The following FAM135B variants were observed in gnomAD, a reference collection of about 807,000 sequenced individuals.
FAM135B encodes the protein protein FAM135B.
A neutral mutation model predicts 127.7 loss-of-function variants in FAM135B; 43 were observed. The ratio of observed to expected loss-of-function variants is 0.34; its 90% CI spans 0.26 to 0.43. The LOEUF is 0.43. Among genes scored for constraint, FAM135B ranks in the 20% least tolerant of loss-of-function variants. The pLI is 1.00. For synonymous variants in FAM135B, 670 were observed against 665.1 expected, an observed-to-expected ratio of 1.01 and a Z score of -0.11; for missense variants, 1,558 against 1,725.6, an observed-to-expected ratio of 0.90 and a Z score of 1.72.
chr8:138,248,711 T>C (rs1181342979), intron 6 of FAM135B, among the ~76,000 whole-genome samples: 1 of 151,530 alleles, frequency 6.6e-6, no homozygotes, highest in Admixed American at 6.6e-5. Context: ...TCCCAGCTAC[T>C]TGGGTAGCTG....
intron 1 of FAM135B, among the ~76,000 whole-genome samples, chr8:138,445,030 C>T (rs1177342036): frequency 1.5e-4 from 22 of 151,246 alleles, no homozygotes; most frequent in East Asian, 1.4e-3. Context: ...AACACCTCTA[C>T]GCAAATAAAC....
At chr8:138,249,661 C>T (rs1821555399) in intron 6 of FAM135B, among the ~76,000 whole-genome samples, 1 of 152,098 alleles carries the variant, frequency 6.6e-6, no homozygotes, top group Non-Finnish European at 1.5e-5. Flanking sequence ...TAACTAATTT[C>T]CTACTCTCTG....
intron 1 of FAM135B, among the ~76,000 whole-genome samples, chr8:138,413,436 C>T (rs1833970232): frequency 6.6e-6 from 1 of 152,194 alleles, no homozygotes; most frequent in African/African-American, 2.4e-5. Context: ...AGGAAGCCTT[C>T]TCTAAAAACC....
At chr8:138,143,394 G>C (rs901216837) in intron 15 of FAM135B, among the ~76,000 whole-genome samples, 3 of 152,190 alleles carry the variant, frequency 2.0e-5, no homozygotes, top group African/African-American at 7.2e-5. Context: ...TGGCGTGTCA[G>C]CGTGACACTG....
chr8:138,497,010 G>A lies in FAM135B; in HGVS notation c.-359C>T, dbSNP rs2131706713. ...GGCGCCAGGACGCGAGGCTGTCAGCGCGGTCGGGGGAACGCAGCCGCCAGC... is the reference window on the plus strand; with the variant it reads ...GGCGCCAGGACGCGAGGCTGTCAGCACGGTCGGGGGAACGCAGCCGCCAGC... On this transcript the variant is annotated 5_prime_UTR_variant, in exon 1 of 20. Coordinates refer to ENST00000395297, the MANE Select transcript of FAM135B (RefSeq NM_015912.4). Among the ~76,000 whole-genome samples, 1 of 152,086 alleles carries A rather than the reference G, an allele frequency of 6.6e-6. No individual in the cohort carries two copies. Among genetic ancestry groups the A allele is most frequent in the Middle Eastern group, 3.4e-3 (1 of 292 alleles).
intron 2 of FAM135B, among the ~76,000 whole-genome samples, chr8:138,351,405 A>G (rs1289115279): frequency 6.6e-6 from 1 of 152,182 alleles, no homozygotes; most frequent in African/African-American, 2.4e-5. Flanking sequence ...GTAGAACACT[A>G]TGTGAAGGTG....
chr8:138,146,773 G>A (rs146083567), intron 14 of FAM135B, among the ~76,000 whole-genome samples: 574 of 152,306 alleles, frequency 3.8e-3, no homozygotes, highest in African/African-American at 0.013. Flanking sequence ...AATGCTGGCC[G>A]TAGGGGTTCA....
At chr8:138,281,321 C>G (rs1824246961) in intron 3 of FAM135B, among the ~76,000 whole-genome samples, 2 of 152,030 alleles carry the variant, frequency 1.3e-5, no homozygotes, top group Non-Finnish European at 2.9e-5. Context: ...ACACAGAAGT[C>G]AAATCTCGCA....
chr8:138,393,203 C>T (rs191761537), intron 1 of FAM135B, among the ~76,000 whole-genome samples: 3 of 152,270 alleles, frequency 2.0e-5, no homozygotes, highest in African/African-American at 4.8e-5. Context: ...TCCCACAACA[C>T]GTGGGAATTA....
At chr8:138,438,030 C>T (rs191528108) in intron 1 of FAM135B, 3 of 152,282 alleles carry the variant, frequency 2.0e-5, no homozygotes, top group African/African-American at 4.8e-5. Context: ...CTTCAATTCG[C>T]TCACCTGTAA....
chr8:138,239,630 C>T (rs1209291702), intron 7 of FAM135B, among the ~76,000 whole-genome samples: 12 of 152,086 alleles, frequency 7.9e-5, no homozygotes, highest in South Asian at 2.1e-4. Context: ...ACCATTTGAC[C>T]CAGCCATCCC....
Position 138,242,164 on chromosome 8 carries a change from TTTGTGTGTGTGTGTGTG to T in FAM135B, c.669+761_669+777del, listed in dbSNP as rs1820844736. ...GAGTCAATTACTTATGATAAATCTC[TTTGTGTGTGTGTGTGTG>T]TGTGTGTGTGTGTGTGTGTGTGTGT... On this transcript the variant is annotated intron_variant, in intron 7 of 19. Coordinates refer to ENST00000395297, the MANE Select transcript of FAM135B (RefSeq NM_015912.4). This position sits in a 1 kb window ranked among gnomAD's most constrained non-coding sequence, Gnocchi z 9.6. 5.2e-5 allele frequency among the ~76,000 whole-genome samples: 7 copies of T among 135,310 alleles called. No homozygotes were observed. In the South Asian group the frequency reaches 1.9e-3, roughly 36 times the overall value. 88.8% of individuals were successfully genotyped at this position (135,310 alleles called of 152,430 possible). A position where few individuals can be genotyped will look rare whatever the true frequency, so the allele number is the denominator to read the frequency against.
At chr8:138,477,345 C>T (rs1814532681) in intron 1 of FAM135B, 1 of 152,212 alleles carries the variant, frequency 6.6e-6, no homozygotes, top group Non-Finnish European at 1.5e-5. Flanking sequence ...CAATTCTCTT[C>T]CTTCAAGCTC....
At chr8:138,179,631 A>G (rs998135635) in intron 9 of FAM135B, among the ~76,000 whole-genome samples, 6 of 152,196 alleles carry the variant, frequency 3.9e-5, no homozygotes, top group African/African-American at 1.4e-4. Flanking sequence ...GACTGAGGCA[A>G]TTCATGCACG....
intron 3 of FAM135B, among the ~76,000 whole-genome samples, chr8:138,293,684 A>G (rs1960745): frequency 0.88 from 133,216 of 152,128 alleles, 59,218 homozygotes; most frequent in Non-Finnish European, 0.96. Context: ...TGCAAATTAA[A>G]ACTACAATGA....
At chr8:138,424,900 T>C (rs1834753105) in intron 1 of FAM135B, among the ~76,000 whole-genome samples, 1 of 152,230 alleles carries the variant, frequency 6.6e-6, no homozygotes, top group Admixed American at 6.5e-5. Flanking sequence ...TTGAATTTTA[T>C]GAATATTGTT....
At chr8:138,402,213 G>C (rs1833194558) in intron 1 of FAM135B, among the ~76,000 whole-genome samples, 1 of 146,198 alleles carries the variant, frequency 6.8e-6, no homozygotes, top group African/African-American at 2.5e-5. Context: ...CTTTTCAACA[G>C]ACTCAATCCT....
In FAM135B at chr8:138,227,604, C is replaced by T. The variant is rs984386675; in HGVS notation, c.669+15338G>A. ...GCTTAATGTATACAGTTTGGTGAGTCTGGGCATATGCACATGTTCATGACA... is the reference window on the plus strand; with the variant it reads ...GCTTAATGTATACAGTTTGGTGAGTTTGGGCATATGCACATGTTCATGACA... On this transcript the variant is annotated intron_variant, in intron 7 of 19. Coordinates refer to ENST00000395297, the MANE Select transcript of FAM135B (RefSeq NM_015912.4). 2.0e-5 allele frequency among the ~76,000 whole-genome samples: 3 copies of T among 152,174 alleles called. No homozygotes were observed. The East Asian group carries it at 5.8e-4, about 29-fold the overall frequency.
chr8:138,322,134 G>C (rs145585640), intron 2 of FAM135B, among the ~76,000 whole-genome samples: 14 of 152,336 alleles, frequency 9.2e-5, no homozygotes, highest in African/African-American at 2.9e-4. Flanking sequence ...TGAATGTGCA[G>C]GGGAACTTTA....
Sources: gnomAD v4.1 joint callset for allele counts (sites outside exome capture counted in the v4.1 genomes callset) on GRCh38, gnomAD v4.1.1 for gene constraint, Gnocchi (gnomAD v3.1) non-coding constraint, MANE v1.5 for transcripts, NCBI Gene and HGNC (gene_info 2026-07-23, HGNC 2026-07-21) for gene names.